Variants in INVS observed in about 807,000 individuals in gnomAD.
INVS encodes inversin, also known as inversion of embryo turning homolog.
In INVS, 86 loss-of-function variants were observed where a neutral mutation model predicts 108.8. That is an observed-to-expected ratio of 0.79 (90% CI 0.66 to 0.95). INVS has a LOEUF of 0.95. Among genes scored for constraint, INVS ranks in the 40% least tolerant of loss-of-function variants. The pLI is 0.00. For missense variants in INVS, 1,169 were observed against 1,297.4 expected, an observed-to-expected ratio of 0.90 and a Z score of 1.52; for synonymous variants, 455 against 473.5, an observed-to-expected ratio of 0.96 and a Z score of 0.51.
At chr9:100,117,515 C>T (rs980330769) in intron 2 of INVS, 45 of 897,374 alleles carry the variant, frequency 5.0e-5, no homozygotes, top group Non-Finnish European at 7.6e-5. Flanking sequence ...GCCCCGTCCA[C>T]GGCCGCAACC....
At position 100,162,331 on chromosome 9, in the gene INVS, T is replaced by C. The variant is rs148379018; in HGVS notation, c.273+35782T>C. Among the ~76,000 whole-genome samples, 3 of 152,280 alleles carry C rather than the reference T, an allele frequency of 2.0e-5. No homozygotes were observed. In the East Asian group the frequency reaches 5.8e-4, roughly 29 times the overall value. ...TATTATTTTACACATCAAGCAGTCT[T>C]ACATAACAAGAGGTAATATCCAGGG... is the stretch of plus-strand genomic sequence containing the variant. On this transcript the variant is annotated intron_variant, in intron 3 of 16. Transcript: ENST00000262457.
At chr9:100,179,943 C>G (rs906300291) in intron 3 of INVS, among the ~76,000 whole-genome samples, 2 of 152,190 alleles carry the variant, frequency 1.3e-5, no homozygotes, top group African/African-American at 4.8e-5. Context: ...AACAGTCTCT[C>G]AGACCACAGT....
At chr9:100,283,650 C>G (rs1833345020) in intron 12 of INVS, among the ~76,000 whole-genome samples, 2 of 152,172 alleles carry the variant, frequency 1.3e-5, no homozygotes, top group South Asian at 2.1e-4. Flanking sequence ...CCCTGCTCCC[C>G]AGCCCTTCTC....
At chr9:100,165,403 A>G (rs959218456) in intron 3 of INVS, among the ~76,000 whole-genome samples, 1 of 152,170 alleles carries the variant, frequency 6.6e-6, no homozygotes, top group Non-Finnish European at 1.5e-5. Flanking sequence ...CAAAATGCTG[A>G]TACTTTAATT....
intron 2 of INVS, among the ~76,000 whole-genome samples, chr9:100,118,792 C>T (rs1253769008): frequency 6.6e-6 from 1 of 152,068 alleles, no homozygotes; most frequent in Non-Finnish European, 1.5e-5. Context: ...TCCTGAGTAG[C>T]TAGAATTACA....
intron 3 of INVS, among the ~76,000 whole-genome samples, chr9:100,148,422 T>C (rs1828697903): frequency 6.6e-6 from 1 of 152,074 alleles, no homozygotes; most frequent in Non-Finnish European, 1.5e-5. Context: ...AGCAAAAAGG[T>C]TAATAGAAAT....
chr9:100,301,987 T>C lies in INVS; in HGVS notation c.*1313T>C, dbSNP rs1833987826. On this transcript the variant is annotated 3_prime_UTR_variant, in exon 17 of 17. Coordinates refer to ENST00000262457, the MANE Select transcript of INVS (RefSeq NM_014425.5). ...CACAATGCACAACCGCCTATGACCATGTATCGTGTGCTAGTCCGGGAAGCC... is the reference window on the plus strand; with the variant it reads ...CACAATGCACAACCGCCTATGACCACGTATCGTGTGCTAGTCCGGGAAGCC... 4.5e-6 allele frequency: 2 copies of C among 441,814 alleles called. No homozygotes were observed. Among genetic ancestry groups the C allele is most frequent in the South Asian group, 6.6e-5 (1 of 15,256 alleles). The allele number at this position is 441,814 out of a possible 1,614,324, so 27.4% of individuals were successfully genotyped here. A position where few individuals can be genotyped will look rare whatever the true frequency, so the allele number is the denominator to read the frequency against.
intron 6 of INVS, among the ~76,000 whole-genome samples, chr9:100,242,172 T>C (rs1831895278): frequency 6.6e-6 from 1 of 152,212 alleles, no homozygotes. Context: ...CAGTTCTGTT[T>C]GGTTGGGCAA....
chr9:100,218,483 A>G (rs1831055384), intron 3 of INVS, among the ~76,000 whole-genome samples: 1 of 152,160 alleles, frequency 6.6e-6, no homozygotes, highest in African/African-American at 2.4e-5. Flanking sequence ...AGGGAGACAG[A>G]TATAGAAAAT....
chr9:100,291,089 G>A (rs796172256), intron 13 of INVS, among the ~76,000 whole-genome samples: 3 of 149,076 alleles, frequency 2.0e-5, no homozygotes, highest in East Asian at 2.0e-4. Flanking sequence ...TTTTTCAGAC[G>A]GAGTCTCGCT....
chr9:100,297,235 A>G, intron 15 of INVS, 89 bp downstream of exon 15: 1 of 1,044,082 alleles, frequency 9.6e-7, no homozygotes, highest in Non-Finnish European at 1.5e-6. Context: ...ACATTGGGTA[A>G]ACTTCCATTC....
At chr9:100,284,025 C>T (rs1350490597) in intron 12 of INVS, among the ~76,000 whole-genome samples, 1 of 151,992 alleles carries the variant, frequency 6.6e-6, no homozygotes, top group Non-Finnish European at 1.5e-5. Context: ...GCACATACAC[C>T]GTTGGGAGTG....
At chr9:100,143,016 A>T (rs1320028128) in intron 3 of INVS, among the ~76,000 whole-genome samples, 1 of 152,138 alleles carries the variant, frequency 6.6e-6, no homozygotes, top group African/African-American at 2.4e-5. Context: ...CAGATGAGGA[A>T]GAAATTTGGG....
chr9:100,162,122 G>A (rs1282950841), intron 3 of INVS, among the ~76,000 whole-genome samples: 2 of 152,170 alleles, frequency 1.3e-5, no homozygotes, highest in Non-Finnish European at 2.9e-5. Flanking sequence ...TAACGGGCTG[G>A]TAGCACAATC....
intron 2 of INVS, among the ~76,000 whole-genome samples, chr9:100,113,234 C>A (rs955611856): frequency 6.8e-6 from 1 of 148,084 alleles, no homozygotes; most frequent in African/African-American, 2.5e-5. Context: ...TGTTGTACTA[C>A]ACAGAGTCTT....
chr9:100,218,387 C>T (rs1572607), intron 3 of INVS, among the ~76,000 whole-genome samples: 77,365 of 151,942 alleles, frequency 0.51, 20,707 homozygotes, highest in African/African-American at 0.6. Flanking sequence ...GAAGGGCCAC[C>T]GTAGGCAGTT....
intron 3 of INVS, chr9:100,175,634 G>T (rs1829687508): frequency 3.0e-6 from 2 of 665,158 alleles, no homozygotes; most frequent in South Asian, 3.1e-5. Flanking sequence ...GCAATGGTGT[G>T]ACTCCAAAGG....
intron 12 of INVS, among the ~76,000 whole-genome samples, chr9:100,278,077 A>C (rs1833161547): frequency 6.6e-6 from 1 of 151,886 alleles, no homozygotes; most frequent in African/African-American, 2.4e-5. Flanking sequence ...TCTACAAAAA[A>C]ATTTTAAAAC....
intron 3 of INVS, among the ~76,000 whole-genome samples, chr9:100,139,816 A>G (rs555955194): frequency 2.0e-5 from 3 of 152,148 alleles, no homozygotes; most frequent in South Asian, 2.1e-4. Flanking sequence ...TAATTTTTGT[A>G]TTTTTTATAG....
Sources: gnomAD v4.1 joint callset for allele counts (sites outside exome capture counted in the v4.1 genomes callset) on GRCh38, gnomAD v4.1.1 for gene constraint, MANE v1.5 for transcripts, NCBI Gene and HGNC (gene_info 2026-07-23, HGNC 2026-07-21) for gene names.